Variants in PRKCA observed in about 807,000 individuals in gnomAD.
The protein encoded by PRKCA is protein kinase C alpha.
Under a neutral mutation model 87.0 loss-of-function variants are expected in PRKCA, and 27 were observed. The ratio of observed to expected loss-of-function variants is 0.31; its 90% CI spans 0.23 to 0.43. The LOEUF (loss-of-function observed/expected upper bound fraction) is 0.43, where lower values mean the gene tolerates loss of function less well. Among genes scored for constraint, PRKCA ranks in the 20% least tolerant of loss-of-function variants. The pLI, the probability that PRKCA is intolerant of heterozygous loss-of-function variation, is 1.00. For synonymous variants in PRKCA, 329 were observed against 311.1 expected (o/e 1.06, Z -0.61); for missense variants, 518 against 852.3 (o/e 0.61, Z 4.88).
intron 3 of PRKCA, among the ~76,000 whole-genome samples, chr17:66,516,070 A>G (rs1268404092): frequency 6.6e-6 from 1 of 152,198 alleles, no homozygotes; most frequent in Non-Finnish European, 1.5e-5. Context: ...ATTAGGATTG[A>G]TTGAAGCAAA....
chr17:66,391,542 C>T (rs1289908161), intron 2 of PRKCA, among the ~76,000 whole-genome samples: 1 of 152,192 alleles, frequency 6.6e-6, no homozygotes, highest in African/African-American at 2.4e-5. Flanking sequence ...GAAGCTTAAA[C>T]ACTTATTGGA....
At chr17:66,709,114 A>G (rs545366640) in intron 8 of PRKCA, among the ~76,000 whole-genome samples, 1 of 152,086 alleles carries the variant, frequency 6.6e-6, no homozygotes, top group Non-Finnish European at 1.5e-5. Flanking sequence ...GTTCAGGTTC[A>G]GGGCTGTGAT....
chr17:66,756,821 C>G (rs1974559917), intron 13 of PRKCA, among the ~76,000 whole-genome samples: 2 of 152,044 alleles, frequency 1.3e-5, no homozygotes, highest in East Asian at 3.9e-4. Context: ...GCCACCATGC[C>G]CAGCTAATTT....
chr17:66,773,059 G>A (rs1974975846), intron 13 of PRKCA, among the ~76,000 whole-genome samples: 1 of 152,008 alleles, frequency 6.6e-6, no homozygotes, highest in African/African-American at 2.4e-5. Context: ...TCAAACTCCT[G>A]GGCTCAAGTG....
intron 11 of PRKCA, among the ~76,000 whole-genome samples, chr17:66,739,773 G>C (rs777826712): frequency 3.3e-5 from 5 of 152,064 alleles, no homozygotes; most frequent in African/African-American, 4.8e-5. Flanking sequence ...GCGGGGGAAG[G>C]GGGGAACGTG....
chr17:66,393,686 T>C (rs1910500164), intron 2 of PRKCA, among the ~76,000 whole-genome samples: 1 of 151,692 alleles, frequency 6.6e-6, no homozygotes, highest in Admixed American at 6.6e-5. Context: ...ATGTTGGAGC[T>C]TCTGGGGACC....
intron 3 of PRKCA, among the ~76,000 whole-genome samples, chr17:66,572,507 T>C (rs1045890650): frequency 6.6e-6 from 1 of 151,880 alleles, no homozygotes; most frequent in African/African-American, 2.4e-5. Context: ...ACTGAGAAAA[T>C]ACGCAAGATG....
chr17:66,383,778 C>A (rs1909900391), intron 2 of PRKCA, among the ~76,000 whole-genome samples: 1 of 151,988 alleles, frequency 6.6e-6, no homozygotes, highest in South Asian at 2.1e-4. Flanking sequence ...CATGGTGAAA[C>A]CCCATCTCTA....
chr17:66,423,131 G>T (rs1412027979), intron 2 of PRKCA, among the ~76,000 whole-genome samples: 2 of 151,970 alleles, frequency 1.3e-5, no homozygotes, highest in Non-Finnish European at 2.9e-5. Flanking sequence ...AAGTATTATT[G>T]CAGAGAAGGA....
At chr17:66,511,791 C>T (rs1407746065) in intron 3 of PRKCA, among the ~76,000 whole-genome samples, 1 of 151,912 alleles carries the variant, frequency 6.6e-6, no homozygotes, top group East Asian at 1.9e-4. Flanking sequence ...AGAAATTCTC[C>T]TGCCTCAGCC....
intron 2 of PRKCA, among the ~76,000 whole-genome samples, chr17:66,388,644 G>A (rs1216072689): frequency 1.3e-5 from 2 of 152,158 alleles, no homozygotes; most frequent in Non-Finnish European, 2.9e-5. Flanking sequence ...TTGGGGAAAA[G>A]TATGGGCCTC....
chr17:66,668,052 C>T (rs963128000), intron 5 of PRKCA, among the ~76,000 whole-genome samples: 2 of 152,144 alleles, frequency 1.3e-5, no homozygotes, highest in Admixed American at 1.3e-4. Context: ...AGTGGTCTGG[C>T]CATACTGGAT....
At chr17:66,741,002 A>T (rs1974147617) in intron 11 of PRKCA, among the ~76,000 whole-genome samples, 1 of 152,038 alleles carries the variant, frequency 6.6e-6, no homozygotes, top group South Asian at 2.1e-4. Context: ...TGCATGTGAT[A>T]TTTCCACAGG....
At chr17:66,346,429 TAGAGAC>T (rs1454260549) in intron 2 of PRKCA, among the ~76,000 whole-genome samples, 3 of 151,604 alleles carry the variant, frequency 2.0e-5, no homozygotes, top group Non-Finnish European at 2.9e-5. Context: ...AAAAAAAAAT[TAGAGAC>T]AGAGTCTTGC....
intron 13 of PRKCA, among the ~76,000 whole-genome samples, chr17:66,755,946 T>C (rs1038889142): frequency 2.0e-5 from 3 of 152,150 alleles, no homozygotes; most frequent in Non-Finnish European, 4.4e-5. Flanking sequence ...GACAGGCAGA[T>C]ACAGATAATT....
intron 8 of PRKCA, among the ~76,000 whole-genome samples, chr17:66,712,046 C>T (rs535463556): frequency 1.1e-4 from 17 of 152,282 alleles, no homozygotes; most frequent in Middle Eastern, 3.4e-3. Flanking sequence ...TTTGAAAACC[C>T]TGTCCCATGA....
At chr17:66,547,328 T>C (rs1206704095) in intron 3 of PRKCA, among the ~76,000 whole-genome samples, 1 of 152,158 alleles carries the variant, frequency 6.6e-6, no homozygotes, top group East Asian at 1.9e-4. Context: ...CTGCTATGGA[T>C]GACACACAAT....
intron 8 of PRKCA, among the ~76,000 whole-genome samples, chr17:66,726,228 CAG>C (rs1172729038): frequency 1.3e-5 from 2 of 150,774 alleles, no homozygotes; most frequent in Non-Finnish European, 2.9e-5. Flanking sequence ...GTGTGCAGGA[CAG>C]AAAGCGCAGG....
intron 10 of PRKCA, 119 bp downstream of exon 10, chr17:66,735,781 T>C: frequency 8.2e-7 from 1 of 1,225,186 alleles, no homozygotes; most frequent in Non-Finnish European, 1.1e-6. Flanking sequence ...TGTTGTGATG[T>C]CAAGCAGAGG....
Sources: gnomAD v4.1 joint callset for allele counts (sites outside exome capture counted in the v4.1 genomes callset) on GRCh38, gnomAD v4.1.1 for gene constraint, MANE v1.5 for transcripts, NCBI Gene and HGNC (gene_info 2026-07-23, HGNC 2026-07-21) for gene names.